The following TPST1 variants were observed in gnomAD, a reference collection of about 807,000 sequenced individuals.
TPST1 encodes protein-tyrosine sulfotransferase 1.
A neutral mutation model predicts 34.8 loss-of-function variants in TPST1; 20 were observed. The observed-to-expected ratio is 0.57, with a 90% confidence interval of 0.40 to 0.84. The LOEUF (loss-of-function observed/expected upper bound fraction) is 0.84, where lower values mean the gene tolerates loss of function less well. TPST1 is among the 40% of genes least tolerant of loss of function. TPST1 has a pLI of 0.00. For synonymous variants in TPST1, 152 were observed against 159.4 expected (o/e 0.95, Z 0.35); for missense variants, 353 against 455.5 (o/e 0.78, Z 2.05).
intron 2 of TPST1, among the ~76,000 whole-genome samples, chr7:66,277,716 G>A (rs1790846478): frequency 6.6e-6 from 1 of 152,108 alleles, no homozygotes; most frequent in Non-Finnish European, 1.5e-5. Flanking sequence ...GTCACTCTGA[G>A]TGACTAGGGA....
At chr7:66,354,239 C>G (rs1792537398) in intron 4 of TPST1, among the ~76,000 whole-genome samples, 1 of 152,114 alleles carries the variant, frequency 6.6e-6, no homozygotes, top group Non-Finnish European at 1.5e-5. Flanking sequence ...TGGGCAGATT[C>G]ATGAACAGAC....
At chr7:66,203,486 CTTTTTTT>C (rs373614847), upstream of TPST1, among the ~76,000 whole-genome samples, 2 of 134,572 alleles carry the variant, frequency 1.5e-5, no homozygotes, top group Non-Finnish European at 1.6e-5. Flanking sequence ...ACAAAAACTT[CTTTTTTT>C]TTTTTTTTTT....
At chr7:66,234,944 A>G (rs1214451703) in intron 1 of TPST1, among the ~76,000 whole-genome samples, 5 of 152,122 alleles carry the variant, frequency 3.3e-5, no homozygotes, top group Non-Finnish European at 7.3e-5. Flanking sequence ...AAGTGCTAGG[A>G]TTACAGGTGT....
chr7:66,322,644 G>A (rs1791780338), intron 3 of TPST1, among the ~76,000 whole-genome samples: 2 of 152,272 alleles, frequency 1.3e-5, no homozygotes, highest in East Asian at 3.9e-4. Flanking sequence ...TGATCAATTT[G>A]GGTTGCTTCC....
chr7:66,285,972 G>C (rs1444574581), intron 2 of TPST1, among the ~76,000 whole-genome samples: 3 of 152,120 alleles, frequency 2.0e-5, no homozygotes, highest in African/African-American at 7.2e-5. Context: ...CGTTCTTAGT[G>C]GTTTATGGTT....
At chr7:66,213,131 T>C (rs149554682) in intron 1 of TPST1, among the ~76,000 whole-genome samples, 79 of 152,332 alleles carry the variant, frequency 5.2e-4, no homozygotes, top group Non-Finnish European at 9.7e-4. Flanking sequence ...AGTCACTTCT[T>C]AGAATAATTT....
the TPST1 span, among the ~76,000 whole-genome samples, chr7:66,199,592 C>A: frequency 2.0e-5 from 3 of 152,124 alleles, no homozygotes; most frequent in East Asian, 5.8e-4. Flanking sequence ...CTGCACCTGG[C>A]CTCAAATTTT....
At chr7:66,339,989 C>T (rs953929623) in intron 3 of TPST1, among the ~76,000 whole-genome samples, 3 of 152,090 alleles carry the variant, frequency 2.0e-5, no homozygotes, top group Non-Finnish European at 2.9e-5. Context: ...AAAAAGCATT[C>T]AGTAGAATTC....
intron 3 of TPST1, among the ~76,000 whole-genome samples, chr7:66,299,411 T>C (rs1791269340): frequency 6.6e-6 from 1 of 151,982 alleles, no homozygotes; most frequent in Non-Finnish European, 1.5e-5. Flanking sequence ...TTTTTAACTT[T>C]CAACATTAAA....
intron 2 of TPST1, among the ~76,000 whole-genome samples, chr7:66,244,253 G>A (rs964261948): frequency 2.0e-5 from 3 of 152,042 alleles, no homozygotes; most frequent in Admixed American, 6.5e-5. Context: ...GCGCCTGGCC[G>A]AAAATTGTTT....
At chr7:66,264,258 G>A (rs894562603) in intron 2 of TPST1, among the ~76,000 whole-genome samples, 1 of 152,202 alleles carries the variant, frequency 6.6e-6, no homozygotes, top group Non-Finnish European at 1.5e-5. Context: ...ACTAACTAAA[G>A]AGCCTAGGAG....
At chr7:66,356,996 C>T (rs762600046) in intron 5 of TPST1, 125 bp downstream of exon 5, 18 of 839,926 alleles carry the variant, frequency 2.1e-5, no homozygotes, top group Non-Finnish European at 3.3e-5. Context: ...CCTGCCTCTT[C>T]ACTTTCTGTG....
chr7:66,310,885 G>A (rs920252641), intron 3 of TPST1, among the ~76,000 whole-genome samples: 1 of 151,836 alleles, frequency 6.6e-6, no homozygotes, highest in Non-Finnish European at 1.5e-5. Flanking sequence ...GAATGCAGTG[G>A]CACGATCATA....
At chr7:66,325,197 A>G (rs1279899826) in intron 3 of TPST1, among the ~76,000 whole-genome samples, 1 of 152,154 alleles carries the variant, frequency 6.6e-6, no homozygotes, top group Non-Finnish European at 1.5e-5. Flanking sequence ...AGCCCCATAT[A>G]AAACCATCAC....
intron 1 of TPST1, among the ~76,000 whole-genome samples, chr7:66,214,511 G>A (rs997029056): frequency 1.3e-5 from 2 of 151,460 alleles, no homozygotes; most frequent in Non-Finnish European, 2.9e-5. Context: ...TAATGAGTTC[G>A]GAAGTGTCGT....
At chr7:66,306,923 C>T (rs1791435092) in intron 3 of TPST1, among the ~76,000 whole-genome samples, 1 of 152,066 alleles carries the variant, frequency 6.6e-6, no homozygotes, top group Non-Finnish European at 1.5e-5. Context: ...CCATGTTGGC[C>T]AGGCTGGTCT....
chr7:66,353,327 A>G (rs2116393370), intron 4 of TPST1, among the ~76,000 whole-genome samples: 1 of 152,092 alleles, frequency 6.6e-6, no homozygotes, highest in East Asian at 1.9e-4. Context: ...AAAATTAGCT[A>G]GGCATGGTGG....
intron 1 of TPST1, among the ~76,000 whole-genome samples, chr7:66,215,532 G>T (rs1174759678): frequency 6.6e-6 from 1 of 150,456 alleles, no homozygotes; most frequent in South Asian, 2.1e-4. Context: ...CTGCCACCAC[G>T]CCCAGCTAAT....
At chr7:66,200,546 G>C (rs1448141381), upstream of TPST1, among the ~76,000 whole-genome samples, 2 of 146,332 alleles carry the variant, frequency 1.4e-5, no homozygotes, top group Admixed American at 6.9e-5. Context: ...CAGCCTCCCG[G>C]GTAGCTGGAA....
Sources: allele counts gnomAD v4.1 joint callset (sites outside exome capture counted in the v4.1 genomes callset), GRCh38; gene constraint gnomAD v4.1.1; transcripts MANE v1.5; gene names NCBI Gene and HGNC (gene_info 2026-07-23, HGNC 2026-07-21).